Variants in SH3BP5 observed in about 807,000 individuals in gnomAD.
SH3BP5 encodes the protein SH3 domain binding protein 5, also known as SH3 domain-binding protein 5.
A neutral mutation model predicts 43.3 loss-of-function variants in SH3BP5; 22 were observed. The ratio of observed to expected loss-of-function variants is 0.51; its 90% CI spans 0.36 to 0.73. SH3BP5 has a LOEUF of 0.73. Among genes scored for constraint, SH3BP5 ranks in the 30% least tolerant of loss-of-function variants. SH3BP5 has a pLI of 0.00. For missense variants in SH3BP5, 529 were observed against 586.9 expected (o/e 0.90, Z 1.02); for synonymous variants, 255 against 225.8 (o/e 1.13, Z -1.16).
In SH3BP5 at chr3:15,304,814, CAA is replaced by C. The variant is rs11358968; in HGVS notation, c.202-585_202-584del. On this transcript the variant is annotated intron_variant, in intron 2 of 8. Transcript: ENST00000383791. ...TGGGTGACAGAGCACGACTCTGTCT[CAA>C]AAAAAAAAAAAAAAAAAGCTTAGTA... Among the ~76,000 whole-genome samples the C allele has an allele frequency of 7.3e-3, 585 of 80,102 alleles. 6 individuals carry two copies. The highest frequency in any genetic ancestry group is 0.034 in the South Asian group (80 of 2,330). 52.6% of individuals were successfully genotyped at this position (80,102 alleles called of 152,430 possible).
At chr3:15,318,857 C>A (rs1379323265) in intron 2 of SH3BP5, among the ~76,000 whole-genome samples, 1 of 152,252 alleles carries the variant, frequency 6.6e-6, no homozygotes, top group African/African-American at 2.4e-5. Context: ...TGGGCGTGAG[C>A]CACTGCGCCC....
intron 1 of SH3BP5, among the ~76,000 whole-genome samples, chr3:15,337,673 A>G (rs1176498038): frequency 6.6e-6 from 1 of 151,994 alleles, no homozygotes; most frequent in Non-Finnish European, 1.5e-5. Flanking sequence ...TGAGAGGCCA[A>G]GGGAGGAGGA....
intron 3 of SH3BP5, among the ~76,000 whole-genome samples, chr3:15,275,282 C>T (rs1236816295): frequency 1.3e-5 from 2 of 152,222 alleles, no homozygotes; most frequent in Non-Finnish European, 1.5e-5. Flanking sequence ...AGTTTAACTG[C>T]GACATTGCTT....
intron 2 of SH3BP5, among the ~76,000 whole-genome samples, chr3:15,316,865 G>C (rs887112870): frequency 6.6e-6 from 1 of 152,210 alleles, no homozygotes; most frequent in Non-Finnish European, 1.5e-5. Context: ...TAACAACCCT[G>C]CATGCACATA....
At chr3:15,297,116 C>T (rs1697599308) in intron 3 of SH3BP5, among the ~76,000 whole-genome samples, 1 of 152,202 alleles carries the variant, frequency 6.6e-6, no homozygotes, top group Non-Finnish European at 1.5e-5. Context: ...ATGCTCGACC[C>T]ATTTCATTTC....
At chr3:15,259,827 CATCAGAGTA>C in intron 5 of SH3BP5, 24 bp from the exon 6 acceptor site, 1 of 1,611,358 alleles carries the variant, frequency 6.2e-7, no homozygotes, top group Non-Finnish European at 8.5e-7. Context: ...GAAGGAAAGC[CATCAGAGTA>C]ATATAATACA....
intron 3 of SH3BP5, among the ~76,000 whole-genome samples, chr3:15,295,969 C>CA (rs200377695): frequency 1.0e-5 from 1 of 98,086 alleles, no homozygotes; most frequent in Admixed American, 1.1e-4. Flanking sequence ...AAGAAACACA[C>CA]TAAATAAGGG....
In SH3BP5 at chr3:15,305,353, T is replaced by TA. The variant is rs374953631; in HGVS notation, c.202-1123dup. Among the ~76,000 whole-genome samples the TA allele has an allele frequency of 2.1e-3, 323 of 152,336 alleles. 1 individual carries two copies. Among genetic ancestry groups the TA allele is most frequent in the African/African-American group, 7.4e-3 (306 of 41,574 alleles). On this transcript the variant is annotated intron_variant, in intron 2 of 8. Coordinates refer to ENST00000383791, the MANE Select transcript of SH3BP5 (RefSeq NM_004844.5). ...TCAGTCCAAATGATGCTGTCAATGT[T>TA]AAACACTGAGTGCAAATTTATTTAT...
At chr3:15,287,820 C>G (rs1039353785) in intron 3 of SH3BP5, among the ~76,000 whole-genome samples, 1 of 152,142 alleles carries the variant, frequency 6.6e-6, no homozygotes, top group Non-Finnish European at 1.5e-5. Flanking sequence ...TACACTGAAC[C>G]ACAGCACAGA....
chr3:15,325,932 T>C (rs1698449782), intron 2 of SH3BP5, among the ~76,000 whole-genome samples: 1 of 152,072 alleles, frequency 6.6e-6, no homozygotes, highest in South Asian at 2.1e-4. Context: ...AGCTGGAGAA[T>C]CGCTTGAACC....
chr3:15,265,512 T>TCTCTCACACACACACACACACA (rs1318765546), intron 4 of SH3BP5, among the ~76,000 whole-genome samples: 2 of 107,934 alleles, frequency 1.9e-5, no homozygotes, highest in African/African-American at 8.3e-5. Context: ...CGAGACTCCG[T>TCTCTCACACACACACACACACA]CACACACACA....
chr3:15,317,773 A>G (rs1181996929), intron 2 of SH3BP5, among the ~76,000 whole-genome samples: 1 of 152,220 alleles, frequency 6.6e-6, no homozygotes, highest in Non-Finnish European at 1.5e-5. Flanking sequence ...GCTGGAAAAA[A>G]GTGTGCCCAT....
intron 2 of SH3BP5, among the ~76,000 whole-genome samples, chr3:15,311,921 C>T (rs567835694): frequency 1.3e-4 from 20 of 152,224 alleles, no homozygotes; most frequent in Middle Eastern, 3.4e-3. Context: ...TCTCCTGCCT[C>T]GGCCTCCCAA....
chr3:15,318,848 G>A (rs1238304711), intron 2 of SH3BP5, among the ~76,000 whole-genome samples: 9 of 145,204 alleles, frequency 6.2e-5, no homozygotes, highest in African/African-American at 2.2e-4. Flanking sequence ...CTGGGATTAT[G>A]GGCGTGAGCC....
intron 3 of SH3BP5, among the ~76,000 whole-genome samples, chr3:15,279,448 G>A (rs1697060711): frequency 6.6e-6 from 1 of 152,210 alleles, no homozygotes; most frequent in Non-Finnish European, 1.5e-5. Context: ...GGAGCAGCAA[G>A]AGAGCTTTGC....
At chr3:15,283,045 A>G (rs1697170774) in intron 3 of SH3BP5, among the ~76,000 whole-genome samples, 1 of 152,262 alleles carries the variant, frequency 6.6e-6, no homozygotes, top group Admixed American at 6.5e-5. Flanking sequence ...GGGAAAACCA[A>G]AAATATTTGT....
upstream of SH3BP5, among the ~76,000 whole-genome samples, chr3:15,335,400 C>T (rs56940117): frequency 0.17 from 25,644 of 151,574 alleles, 2,207 homozygotes; most frequent in Middle Eastern, 0.31. Context: ...AAAAGAAACA[C>T]CTCATCTCTA....
chr3:15,282,326 C>T (rs1013129409), intron 3 of SH3BP5, among the ~76,000 whole-genome samples: 11 of 152,256 alleles, frequency 7.2e-5, no homozygotes, highest in Middle Eastern at 3.4e-3. Context: ...AAACAACATA[C>T]GCAAATTGTG....
At chr3:15,297,022 C>T (rs1197330936) in intron 3 of SH3BP5, among the ~76,000 whole-genome samples, 1 of 152,114 alleles carries the variant, frequency 6.6e-6, no homozygotes, top group African/African-American at 2.4e-5. Flanking sequence ...CAAACAAAAT[C>T]AATGCCTAGA....
Sources: allele counts gnomAD v4.1 joint callset (sites outside exome capture counted in the v4.1 genomes callset), GRCh38; gene constraint gnomAD v4.1.1; transcripts MANE v1.5; gene names NCBI Gene and HGNC (gene_info 2026-07-23, HGNC 2026-07-21).